ACTR3C: variants seen among roughly 807,000 people sequenced by gnomAD.
ACTR3C encodes the protein actin-related protein 3C.
A neutral mutation model predicts 26.3 loss-of-function variants in ACTR3C; 18 were observed. The observed-to-expected ratio is 0.68, with a 90% CI of 0.47 to 1.01. The LOEUF is 1.01. ACTR3C is among the 50% of genes least tolerant of loss of function. ACTR3C has a pLI of 0.00. For missense variants in ACTR3C, 184 were observed against 250.7 expected (o/e 0.73, Z 1.80); for synonymous variants, 55 against 94.5 (o/e 0.58, Z 2.42).
chr7:150,213,330 C>T, the ACTR3C span, among the ~76,000 whole-genome samples: 1,378 of 152,240 alleles, frequency 9.1e-3, 42 homozygotes, highest in Non-Finnish European at 6.3e-3. Context: ...GTAAGCCTTG[C>T]ATGAGTTTGC....
chr7:150,158,845 G>A, the ACTR3C span, among the ~76,000 whole-genome samples: 1 of 145,750 alleles, frequency 6.9e-6, no homozygotes, highest in South Asian at 2.3e-4. Flanking sequence ...GGCACACACA[G>A]GCACACACAC....
the ACTR3C span, among the ~76,000 whole-genome samples, chr7:149,910,221 G>A: frequency 3.0e-5 from 2 of 66,798 alleles, no homozygotes; most frequent in Non-Finnish European, 7.9e-5. Flanking sequence ...TTGCGGGGTG[G>A]GGGGCGGCGG....
the ACTR3C span, among the ~76,000 whole-genome samples, chr7:150,047,219 C>T: frequency 6.6e-6 from 1 of 151,624 alleles, no homozygotes; most frequent in South Asian, 2.1e-4. Flanking sequence ...GTTCCCGGAG[C>T]ACGAAATAAA....
At chr7:149,992,895 T>C in the ACTR3C span, among the ~76,000 whole-genome samples, 10 of 152,238 alleles carry the variant, frequency 6.6e-5, no homozygotes, top group South Asian at 1.2e-3. Flanking sequence ...CCAGGGAAGC[T>C]GACAATGCAG....
At chr7:150,002,178 G>C in the ACTR3C span, 1 of 152,194 alleles carries the variant, frequency 6.6e-6, no homozygotes, top group African/African-American at 2.4e-5. Context: ...CTGGAAATCT[G>C]CCACTCCACA....
chr7:150,276,791 C>T (rs1217477070), intron 6 of ACTR3C, among the ~76,000 whole-genome samples: 4 of 152,230 alleles, frequency 2.6e-5, no homozygotes, highest in Non-Finnish European at 5.9e-5. Flanking sequence ...TCTTGACCCT[C>T]ATCCTGTGTG....
At chr7:150,127,632 A>G in the ACTR3C span, among the ~76,000 whole-genome samples, 12 of 152,108 alleles carry the variant, frequency 7.9e-5, no homozygotes, top group Non-Finnish European at 1.5e-4. Flanking sequence ...AATACCAACA[A>G]CTAGAAAGCA....
At chr7:150,031,221 C>G in the ACTR3C span, among the ~76,000 whole-genome samples, 1 of 150,874 alleles carries the variant, frequency 6.6e-6, no homozygotes, top group South Asian at 2.1e-4. Context: ...TGTATCACTG[C>G]ACTCCAGCCT....
chr7:150,019,759 AG>A, the ACTR3C span, among the ~76,000 whole-genome samples: 1 of 151,940 alleles, frequency 6.6e-6, no homozygotes, highest in Non-Finnish European at 1.5e-5. Context: ...GGTAGAGGCC[AG>A]GGGGCTGGAC....
the ACTR3C span, among the ~76,000 whole-genome samples, chr7:149,921,681 A>G: frequency 6.6e-6 from 1 of 152,150 alleles, no homozygotes; most frequent in African/African-American, 2.4e-5. Flanking sequence ...GTTCAAGACC[A>G]GCCTGGCCAA....
the ACTR3C span, among the ~76,000 whole-genome samples, chr7:150,114,951 CT>C: frequency 1.2e-4 from 18 of 152,032 alleles, no homozygotes; most frequent in Non-Finnish European, 2.2e-4. Context: ...AAAGAGTTTT[CT>C]TTTTCATAGT....
Position 150,275,983 on chromosome 7 carries a change from C to T in ACTR3C, c.564+8770G>A, listed in dbSNP as rs568515276. 3.9e-5 allele frequency among the ~76,000 whole-genome samples: 6 copies of T among 152,076 alleles called. No individual in the cohort carries two copies. In the South Asian group the frequency reaches 8.3e-4, roughly 21 times the overall value. ...ATATCGACTGAATTTCTCAATAGCC[C>T]GCAACCTTACCTTGCCGGATAAATG... On this transcript the variant is annotated intron_variant, in intron 6 of 7. Transcript: ENST00000683684.
the ACTR3C span, among the ~76,000 whole-genome samples, chr7:149,927,236 A>G: frequency 6.6e-6 from 1 of 152,052 alleles, no homozygotes; most frequent in Non-Finnish European, 1.5e-5. Context: ...ATTATTCAAA[A>G]TAAAACAAAA....
chr7:150,277,896 G>A (rs556208613), intron 6 of ACTR3C, among the ~76,000 whole-genome samples: 3 of 152,228 alleles, frequency 2.0e-5, no homozygotes, highest in African/African-American at 7.2e-5. Flanking sequence ...AACTTAAGTT[G>A]GGTCACATTA....
the ACTR3C span, among the ~76,000 whole-genome samples, chr7:149,983,387 T>C: frequency 7.0e-6 from 1 of 143,706 alleles, no homozygotes; most frequent in East Asian, 2.1e-4. Flanking sequence ...TCACACCTAT[T>C]AGGATTGCTA....
the ACTR3C span, among the ~76,000 whole-genome samples, chr7:150,007,644 C>T: frequency 6.0e-4 from 92 of 152,132 alleles, no homozygotes; most frequent in Admixed American, 9.8e-4. Context: ...AGTTTTGGTG[C>T]CTGCGTGAGG....
chr7:149,957,799 G>A, the ACTR3C span, among the ~76,000 whole-genome samples: 1 of 151,648 alleles, frequency 6.6e-6, no homozygotes, highest in Middle Eastern at 3.2e-3. Context: ...ACCTTCTATT[G>A]GTTCTGTTCC....
chr7:149,975,293 A>G, the ACTR3C span, among the ~76,000 whole-genome samples: 41 of 152,344 alleles, frequency 2.7e-4, no homozygotes, highest in African/African-American at 8.7e-4. Flanking sequence ...ACCCTGATAA[A>G]TTACCAAAGT....
At chr7:150,268,153 C>T (rs960460779) in intron 6 of ACTR3C, among the ~76,000 whole-genome samples, 3 of 150,844 alleles carry the variant, frequency 2.0e-5, no homozygotes, top group South Asian at 2.1e-4. Context: ...TGTACAGTCT[C>T]TAACTCTTCA....
Sources: gnomAD v4.1 joint callset for allele counts (sites outside exome capture counted in the v4.1 genomes callset) on GRCh38, gnomAD v4.1.1 for gene constraint, MANE v1.5 for transcripts, NCBI Gene and HGNC (gene_info 2026-07-23, HGNC 2026-07-21) for gene names.